The following NAALADL2 variants were observed in gnomAD, a reference collection of about 807,000 sequenced individuals.
NAALADL2 encodes the protein N-acetylated alpha-linked acidic dipeptidase like 2.
NAALADL2 carries 76 observed loss-of-function variants against 87.2 expected under a neutral mutation model. The observed-to-expected ratio is 0.87, with a 90% CI of 0.72 to 1.05. The LOEUF is 1.05. NAALADL2 is among the 50% of genes least tolerant of loss of function. The pLI is 0.00. For missense variants in NAALADL2, 1,089 were observed against 945.8 expected, an observed-to-expected ratio of 1.15 and a Z score of -1.99; for synonymous variants, 354 against 331.0, an observed-to-expected ratio of 1.07 and a Z score of -0.75.
chr3:175,470,162 T>C (rs1724654332), intron 8 of NAALADL2, among the ~76,000 whole-genome samples: 1 of 152,094 alleles, frequency 6.6e-6, no homozygotes, highest in Admixed American at 6.5e-5. Context: ...GGCTAAATTG[T>C]ATTCCATTGT....
chr3:174,811,024 T>A (rs544810138), intron 3 of NAALADL2, among the ~76,000 whole-genome samples: 94 of 152,258 alleles, frequency 6.2e-4, no homozygotes, highest in African/African-American at 2.1e-3. Context: ...TCCCACATGG[T>A]GTTAAGCCTG....
chr3:175,474,516 T>C (rs1356743852), intron 9 of NAALADL2, among the ~76,000 whole-genome samples: 1 of 152,168 alleles, frequency 6.6e-6, no homozygotes, highest in Non-Finnish European at 1.5e-5. Context: ...GTCTTATCGC[T>C]CAAGTCACAA....
At chr3:174,962,647 G>A (rs750869652) in intron 1 of NAALADL2, among the ~76,000 whole-genome samples, 3 of 151,900 alleles carry the variant, frequency 2.0e-5, no homozygotes, top group Non-Finnish European at 2.9e-5. Context: ...TTACCTCAGA[G>A]AGATAACTGC....
intron 13 of NAALADL2, among the ~76,000 whole-genome samples, chr3:175,795,911 G>A (rs1040449850): frequency 1.3e-5 from 2 of 151,764 alleles, no homozygotes; most frequent in Non-Finnish European, 2.9e-5. Flanking sequence ...CTTGTTATCT[G>A]TATTTATGTC....
At chr3:174,641,130 C>T (rs1467911158) in intron 2 of NAALADL2, among the ~76,000 whole-genome samples, 3 of 152,148 alleles carry the variant, frequency 2.0e-5, no homozygotes, top group African/African-American at 7.2e-5. Context: ...CTTTAAGAGG[C>T]CGGAAGCTGC....
In NAALADL2 at chr3:175,541,558, A is replaced by G. The variant is rs532454895; in HGVS notation, c.1654-34483A>G. 1.2e-4 allele frequency among the ~76,000 whole-genome samples: 19 copies of G among 152,334 alleles called. No homozygotes were observed. In the South Asian group the frequency reaches 3.9e-3, roughly 32 times the overall value. On this transcript the variant is annotated intron_variant, in intron 9 of 13. Coordinates refer to ENST00000454872, the MANE Select transcript of NAALADL2 (RefSeq NM_207015.3). ...GTTACTCAAAGTACAGTTTCTACTG[A>G]ATTCATATCACTTTCACACCATCAT...
chr3:175,162,075 G>T (rs976883085), intron 2 of NAALADL2, among the ~76,000 whole-genome samples: 2 of 152,090 alleles, frequency 1.3e-5, no homozygotes, highest in African/African-American at 4.8e-5. Flanking sequence ...GTTAGATTTT[G>T]CTGCTGTTGA....
At chr3:174,497,344 C>T (rs755696704) in intron 1 of NAALADL2, among the ~76,000 whole-genome samples, 2 of 152,022 alleles carry the variant, frequency 1.3e-5, no homozygotes, top group Admixed American at 6.6e-5. Flanking sequence ...AAAACTTTCA[C>T]AGCTGGGTGC....
chr3:175,734,586 G>A (rs1744246372), intron 11 of NAALADL2, among the ~76,000 whole-genome samples: 1 of 152,144 alleles, frequency 6.6e-6, no homozygotes, highest in South Asian at 2.1e-4. Context: ...AATCTAGGCA[G>A]AGGTTCCAAA....
At chr3:175,126,493 C>A (rs964217846) in intron 2 of NAALADL2, among the ~76,000 whole-genome samples, 1 of 152,038 alleles carries the variant, frequency 6.6e-6, no homozygotes, top group Admixed American at 6.6e-5. Flanking sequence ...CTGAACAATT[C>A]CATTTTTAAA....
chr3:174,946,280 A>T (rs541654257), intron 1 of NAALADL2, among the ~76,000 whole-genome samples: 1 of 152,182 alleles, frequency 6.6e-6, no homozygotes, highest in Admixed American at 6.6e-5. Flanking sequence ...CTTTATTTAC[A>T]TTAGGCCAAT....
At chr3:174,832,654 G>C (rs926622687) in intron 3 of NAALADL2, among the ~76,000 whole-genome samples, 16 of 152,096 alleles carry the variant, frequency 1.1e-4, no homozygotes, top group African/African-American at 3.6e-4. Flanking sequence ...TTTTAGTAGA[G>C]ACAGGGTTTC....
intron 10 of NAALADL2, among the ~76,000 whole-genome samples, chr3:175,589,782 C>G (rs1721096846): frequency 1.5e-5 from 2 of 134,138 alleles, no homozygotes. Flanking sequence ...ATATTTAAGC[C>G]CCTTGACAAA....
chr3:175,256,429 A>C lies in NAALADL2; in HGVS notation c.838A>C (p.Ser280Arg), dbSNP rs758103286. ...GTLKAEVIDV[S>R]YGMADDLKRI... Reference sequence around the variant, plus strand: ...CTTTCAGGCTGAAGTCATCGATGTGAGTTATGGAATGGCAGATGATTTAAA... The same window carrying C: ...CTTTCAGGCTGAAGTCATCGATGTGCGTTATGGAATGGCAGATGATTTAAA... The change falls in exon 4 of 14, where the codon AGT becomes CGT. Residue 280 changes from serine to arginine, a missense_variant. By Grantham distance (110) the Ser-to-Arg change is moderately radical. Coordinates refer to ENST00000454872, the MANE Select transcript of NAALADL2 (RefSeq NM_207015.3). The C allele has an allele frequency of 1.2e-6, 2 of 1,610,244 alleles. No homozygotes were observed. The highest frequency in any genetic ancestry group is 1.7e-6 in the Non-Finnish European group (2 of 1,178,152).
intron 5 of NAALADL2, among the ~76,000 whole-genome samples, chr3:175,328,084 G>T (rs1345333493): frequency 6.6e-6 from 1 of 152,152 alleles, no homozygotes; most frequent in Non-Finnish European, 1.5e-5. Context: ...ATACATTATT[G>T]TATTAGCTTA....
chr3:174,970,716 T>A (rs2108604614), intron 1 of NAALADL2, among the ~76,000 whole-genome samples: 1 of 152,286 alleles, frequency 6.6e-6, no homozygotes, highest in African/African-American at 2.4e-5. Flanking sequence ...CTAATGGTTC[T>A]TCAGATTGGT....
chr3:174,922,516 A>G (rs1251062380), intron 1 of NAALADL2, among the ~76,000 whole-genome samples: 1 of 152,114 alleles, frequency 6.6e-6, no homozygotes, highest in African/African-American at 2.4e-5. Context: ...TACCTAAACC[A>G]CAGCTCTAAT....
chr3:175,763,177 T>G (rs1748264949), intron 13 of NAALADL2, among the ~76,000 whole-genome samples: 1 of 152,084 alleles, frequency 6.6e-6, no homozygotes, highest in Non-Finnish European at 1.5e-5. Context: ...ATGACAAACT[T>G]TTTCCAGTAG....
chr3:175,742,126 T>G (rs562315683), intron 12 of NAALADL2, among the ~76,000 whole-genome samples: 1 of 152,176 alleles, frequency 6.6e-6, no homozygotes, highest in Admixed American at 6.5e-5. Flanking sequence ...CCATCAGATA[T>G]GCATTTGTCT....
Sources: gnomAD v4.1 joint callset for allele counts (sites outside exome capture counted in the v4.1 genomes callset) on GRCh38, gnomAD v4.1.1 for gene constraint, MANE v1.5 for transcripts, NCBI Gene and HGNC (gene_info 2026-07-23, HGNC 2026-07-21) for gene names.